Variants in EXOC4 observed in about 807,000 individuals in gnomAD.
EXOC4 encodes SEC8-like 1.
In EXOC4, 71 loss-of-function variants were observed where a neutral mutation model predicts 107.2. The observed-to-expected ratio is 0.66, with a 90% CI of 0.55 to 0.81. The LOEUF is 0.81. Ranked by LOEUF, EXOC4 falls within the 30% of genes least tolerant of loss-of-function variation. The pLI is 0.00. For missense variants in EXOC4, 1,108 were observed against 1,189.6 expected (o/e 0.93, Z 1.01); for synonymous variants, 456 against 441.2 (o/e 1.03, Z -0.42).
rs187811398 is a variant in EXOC4, at chr7:133,253,508, T to G, written c.86+321T>G. On this transcript the variant is annotated intron_variant, in intron 1 of 17. Transcript: ENST00000253861. ...CAGGTGTAAAGGTGTGTTTATTGAT[T>G]CCTAAAATGCTTGTTTATTGTTTGC... The G allele has an allele frequency of 2.3e-5, 25 of 1,068,720 alleles. 1 individual carries two copies. The East Asian group carries it at 1.6e-3, about 67-fold the overall frequency. 66.2% of individuals were successfully genotyped at this position (1,068,720 alleles called of 1,614,324 possible).
chr7:133,793,712 G>A (rs1796752761), intron 10 of EXOC4, among the ~76,000 whole-genome samples: 1 of 152,054 alleles, frequency 6.6e-6, no homozygotes, highest in African/African-American at 2.4e-5. Context: ...GGGTGTGGTG[G>A]CACACGCCTG....
intron 6 of EXOC4, among the ~76,000 whole-genome samples, chr7:133,368,966 G>A (rs1166025202): frequency 1.3e-5 from 2 of 152,086 alleles, no homozygotes; most frequent in Non-Finnish European, 2.9e-5. Context: ...CTTTATCCTA[G>A]CAGTATGTAA....
chr7:133,256,977 GTAT>G (rs1357235489), intron 1 of EXOC4, among the ~76,000 whole-genome samples: 1 of 152,192 alleles, frequency 6.6e-6, no homozygotes, highest in Non-Finnish European at 1.5e-5. Context: ...TGTAATGCAA[GTAT>G]TATATGATTT....
intron 14 of EXOC4, among the ~76,000 whole-genome samples, chr7:133,969,286 T>C (rs919880890): frequency 1.1e-4 from 16 of 151,572 alleles, no homozygotes; most frequent in Admixed American, 6.6e-5. Flanking sequence ...GGTTAGAACA[T>C]GCTACTTTAC....
downstream of EXOC4, among the ~76,000 whole-genome samples, chr7:134,067,438 G>A (rs764779239): frequency 2.0e-5 from 3 of 151,996 alleles, no homozygotes; most frequent in Non-Finnish European, 4.4e-5. Context: ...TTCTAACACT[G>A]TTATCTACTC....
At chr7:133,687,638 A>G (rs2151074237) in intron 10 of EXOC4, among the ~76,000 whole-genome samples, 1 of 152,228 alleles carries the variant, frequency 6.6e-6, no homozygotes, top group Admixed American at 6.5e-5. Context: ...CTTTGGCTGT[A>G]GCACCTGACT....
At chr7:134,091,364 ACTGT>A in the EXOC4 span, among the ~76,000 whole-genome samples, 1 of 152,122 alleles carries the variant, frequency 6.6e-6, no homozygotes, top group Non-Finnish European at 1.5e-5. Flanking sequence ...GCATTTGTAA[ACTGT>A]CTTGGCACTG....
intron 4 of EXOC4, among the ~76,000 whole-genome samples, chr7:133,315,593 C>G (rs1794973275): frequency 6.6e-6 from 1 of 152,042 alleles, no homozygotes; most frequent in Admixed American, 6.6e-5. Flanking sequence ...AAAGAATGGA[C>G]AAATCTATTA....
rs1563014786 is a variant in EXOC4, at chr7:133,823,867, ATATATTATATATATATATATATATATTT to A, written c.1734+6329_1734+6356del. 1.8e-3 allele frequency among the ~76,000 whole-genome samples: 22 copies of A among 12,368 alleles called. 1 individual carries two copies. The highest frequency in any genetic ancestry group is 2.3e-3 in the Admixed American group (3 of 1,322). The allele number at this position is 12,368 out of a possible 152,430, so 8.1% of individuals were successfully genotyped here. On this transcript the variant is annotated intron_variant, in intron 11 of 17. Transcript: ENST00000253861. ...ATTATATATATATATATATATATATATATATTATATATATATATATATATATTTTATATATATATATATAAATATATAT... is the reference window on the plus strand; with the variant it reads ...ATTATATATATATATATATATATATATATATATATATATATAAATATATAT...
intron 11 of EXOC4, among the ~76,000 whole-genome samples, chr7:133,840,421 A>T (rs528848137): frequency 1.3e-5 from 2 of 152,352 alleles, no homozygotes; most frequent in African/African-American, 4.8e-5. Context: ...CTCAGATAGG[A>T]AGGGAGAAGA....
intron 14 of EXOC4, among the ~76,000 whole-genome samples, chr7:133,952,142 A>C (rs1356574838): frequency 1.3e-5 from 2 of 151,424 alleles, no homozygotes; most frequent in Non-Finnish European, 3.0e-5. Flanking sequence ...AGCTGACAAC[A>C]GTGAGACTGT....
intron 11 of EXOC4, among the ~76,000 whole-genome samples, chr7:133,819,147 G>C (rs753631649): frequency 1.3e-5 from 2 of 151,996 alleles, no homozygotes; most frequent in Non-Finnish European, 2.9e-5. Flanking sequence ...CTTGCCTCTT[G>C]ATTTCAGCTT....
intron 9 of EXOC4, among the ~76,000 whole-genome samples, chr7:133,572,444 T>G (rs1801042999): frequency 6.6e-6 from 1 of 152,272 alleles, no homozygotes; most frequent in African/African-American, 2.4e-5. Context: ...TTGTAAAAGC[T>G]TATTCAATAT....
At chr7:133,927,627 C>T (rs1800081728) in intron 13 of EXOC4, among the ~76,000 whole-genome samples, 1 of 152,114 alleles carries the variant, frequency 6.6e-6, no homozygotes, top group Non-Finnish European at 1.5e-5. Flanking sequence ...ATTTCATTAT[C>T]TCTGGATGCT....
chr7:133,946,720 A>G (rs1170353533), intron 14 of EXOC4, among the ~76,000 whole-genome samples: 6 of 152,230 alleles, frequency 3.9e-5, no homozygotes, highest in Non-Finnish European at 8.8e-5. Flanking sequence ...TTTCTAAGGA[A>G]TACCATCTAG....
At chr7:134,085,763 A>G in the EXOC4 span, among the ~76,000 whole-genome samples, 2 of 152,224 alleles carry the variant, frequency 1.3e-5, no homozygotes, top group Non-Finnish European at 2.9e-5. Context: ...ACCAATAGCA[A>G]TGATTTAACA....
At chr7:133,722,178 C>A (rs987090111) in intron 10 of EXOC4, among the ~76,000 whole-genome samples, 2 of 152,206 alleles carry the variant, frequency 1.3e-5, no homozygotes, top group African/African-American at 4.8e-5. Flanking sequence ...TGCCCTGTAT[C>A]CCATTTGGGA....
At chr7:133,277,707 A>C (rs1177959696) in intron 2 of EXOC4, among the ~76,000 whole-genome samples, 1 of 152,206 alleles carries the variant, frequency 6.6e-6, no homozygotes, top group African/African-American at 2.4e-5. Context: ...TTGGGTAGAG[A>C]AATAAAGGGT....
intron 10 of EXOC4, among the ~76,000 whole-genome samples, chr7:133,743,195 A>G (rs1207128335): frequency 6.6e-6 from 1 of 152,150 alleles, no homozygotes; most frequent in Non-Finnish European, 1.5e-5. Context: ...TTAAAAGGAA[A>G]AGTCAAGGTA....
Sources: allele counts gnomAD v4.1 joint callset (sites outside exome capture counted in the v4.1 genomes callset), GRCh38; gene constraint gnomAD v4.1.1; transcripts MANE v1.5; gene names NCBI Gene and HGNC (gene_info 2026-07-23, HGNC 2026-07-21).